STXBP5L: variants seen among roughly 807,000 people sequenced by gnomAD.
STXBP5L encodes syntaxin binding protein 5L.
In STXBP5L, 65 loss-of-function variants were observed where a neutral mutation model predicts 144.5. The observed-to-expected ratio is 0.45, with a 90% confidence interval of 0.37 to 0.55. STXBP5L has a LOEUF of 0.55. Among genes scored for constraint, STXBP5L ranks in the 20% least tolerant of loss-of-function variants. The pLI is 0.00. For synonymous variants in STXBP5L, 505 were observed against 469.6 expected (o/e 1.08, Z -0.97); for missense variants, 1,298 against 1,405.5 (o/e 0.92, Z 1.22).
intron 19 of STXBP5L, among the ~76,000 whole-genome samples, chr3:121,280,204 T>C (rs1039735994): frequency 6.6e-6 from 1 of 151,842 alleles, no homozygotes; most frequent in Non-Finnish European, 1.5e-5. Context: ...CTTTCTTAGG[T>C]TTAATTCCTA....
intron 5 of STXBP5L, among the ~76,000 whole-genome samples, chr3:121,079,338 C>T (rs1327788606): frequency 6.6e-6 from 1 of 152,232 alleles, no homozygotes; most frequent in Non-Finnish European, 1.5e-5. Context: ...GCAACCTAAA[C>T]TTATTGGTCT....
At chr3:121,248,966 G>C (rs1221401261) in intron 14 of STXBP5L, among the ~76,000 whole-genome samples, 1 of 151,958 alleles carries the variant, frequency 6.6e-6, no homozygotes, top group South Asian at 2.1e-4. Flanking sequence ...TAGGTGTGAG[G>C]CTTTCTCAGT....
intron 18 of STXBP5L, among the ~76,000 whole-genome samples, chr3:121,263,163 T>A (rs750459674): frequency 1.8e-4 from 28 of 152,160 alleles, no homozygotes; most frequent in Non-Finnish European, 2.9e-5. Flanking sequence ...CCACTAGTGA[T>A]ACCCAGGCAA....
intron 22 of STXBP5L, among the ~76,000 whole-genome samples, chr3:121,384,830 T>C (rs1282490871): frequency 6.6e-6 from 1 of 152,070 alleles, no homozygotes; most frequent in East Asian, 1.9e-4. Flanking sequence ...GTCCCTTCTC[T>C]GTCCCCGTCC....
intron 19 of STXBP5L, among the ~76,000 whole-genome samples, chr3:121,294,776 G>GA (rs770557123): frequency 9.9e-5 from 15 of 151,964 alleles, no homozygotes; most frequent in East Asian, 1.9e-4. Context: ...CTTCACAGAA[G>GA]AAAAAACAAA....
intron 5 of STXBP5L, among the ~76,000 whole-genome samples, chr3:121,056,318 A>G (rs1400612035): frequency 6.6e-6 from 1 of 152,132 alleles, no homozygotes; most frequent in Non-Finnish European, 1.5e-5. Flanking sequence ...GTTGTTTTAT[A>G]TGGCTTTTGA....
intron 19 of STXBP5L, among the ~76,000 whole-genome samples, chr3:121,304,130 C>G (rs2043249766): frequency 6.6e-6 from 1 of 151,948 alleles, no homozygotes; most frequent in Admixed American, 6.6e-5. Flanking sequence ...ATGAAGTAGA[C>G]TTCAAGGCAA....
chr3:120,995,062 A>T (rs758925820), intron 3 of STXBP5L, among the ~76,000 whole-genome samples: 1 of 152,150 alleles, frequency 6.6e-6, no homozygotes, highest in Non-Finnish European at 1.5e-5. Flanking sequence ...AAATTGATAT[A>T]TTAAGACATT....
intron 3 of STXBP5L, among the ~76,000 whole-genome samples, chr3:120,962,395 T>C: frequency 6.6e-6 from 1 of 152,206 alleles, no homozygotes; most frequent in Non-Finnish European, 1.5e-5. Flanking sequence ...TCTTCTAGGG[T>C]TTTTATGGTT....
intron 9 of STXBP5L, among the ~76,000 whole-genome samples, chr3:121,201,511 A>C (rs1203117047): frequency 6.6e-6 from 1 of 152,174 alleles, no homozygotes. Flanking sequence ...GCCCATTTAC[A>C]TTAAATGTTA....
At chr3:121,264,238 A>G (rs2050479386) in intron 18 of STXBP5L, among the ~76,000 whole-genome samples, 1 of 152,200 alleles carries the variant, frequency 6.6e-6, no homozygotes, top group East Asian at 1.9e-4. Context: ...GAGAAATAAA[A>G]TCCTTTACAG....
intron 19 of STXBP5L, among the ~76,000 whole-genome samples, chr3:121,290,539 T>TC (rs1331233441): frequency 6.6e-6 from 1 of 151,774 alleles, no homozygotes; most frequent in Non-Finnish European, 1.5e-5. Context: ...GAGGGAATCC[T>TC]CCCCCCAAAT....
chr3:121,207,975 C>A (rs556278252), intron 10 of STXBP5L, among the ~76,000 whole-genome samples: 8 of 152,126 alleles, frequency 5.3e-5, no homozygotes, highest in Admixed American at 6.5e-5. Flanking sequence ...CAGCCATCCC[C>A]TTACTGGGTA....
At chr3:120,971,863 C>G (rs1480433187) in intron 3 of STXBP5L, among the ~76,000 whole-genome samples, 1 of 151,632 alleles carries the variant, frequency 6.6e-6, no homozygotes, top group Admixed American at 6.6e-5. Context: ...TCCATGCGCA[C>G]ACATGCATGC....
At chr3:121,300,638 G>C (rs751809225) in intron 19 of STXBP5L, among the ~76,000 whole-genome samples, 1 of 151,902 alleles carries the variant, frequency 6.6e-6, no homozygotes, top group Non-Finnish European at 1.5e-5. Context: ...ATAAAACAGA[G>C]AGGTGTAGCT....
intron 2 of STXBP5L, among the ~76,000 whole-genome samples, chr3:120,950,770 C>T (rs2107684780): frequency 6.6e-6 from 1 of 152,190 alleles, no homozygotes; most frequent in South Asian, 2.1e-4. Flanking sequence ...CATCAAGCTA[C>T]CAATGATTTT....
chr3:121,048,940 G>A (rs930098440), intron 5 of STXBP5L, among the ~76,000 whole-genome samples: 5 of 152,058 alleles, frequency 3.3e-5, no homozygotes, highest in South Asian at 2.1e-4. Context: ...GGTTTGTATC[G>A]GTCCCCAACC....
At chr3:121,244,542 A>T (rs955727440) in intron 14 of STXBP5L, among the ~76,000 whole-genome samples, 6 of 152,192 alleles carry the variant, frequency 3.9e-5, no homozygotes, top group African/African-American at 1.4e-4. Flanking sequence ...AAATTTCCCA[A>T]GTTGGAGGAA....
chr3:121,004,304 T>A (rs1238570686), intron 3 of STXBP5L, among the ~76,000 whole-genome samples: 1 of 151,444 alleles, frequency 6.6e-6, no homozygotes, highest in Non-Finnish European at 1.5e-5. Flanking sequence ...TTTATTCTCT[T>A]TGAAGCAATT....
Sources: allele counts gnomAD v4.1 joint callset (sites outside exome capture counted in the v4.1 genomes callset), GRCh38; gene constraint gnomAD v4.1.1; transcripts MANE v1.5; gene names NCBI Gene and HGNC (gene_info 2026-07-23, HGNC 2026-07-21).